PARD3B: variants seen among roughly 807,000 people sequenced by gnomAD.
The protein encoded by PARD3B is par-3 family cell polarity regulator beta.
Under a neutral mutation model 130.2 loss-of-function variants are expected in PARD3B, and 103 were observed. That is an observed-to-expected ratio of 0.79 (90% CI 0.67 to 0.93). The LOEUF is 0.93. PARD3B is among the 40% of genes least tolerant of loss of function. PARD3B has a pLI of 0.00. For missense variants in PARD3B, 1,609 were observed against 1,499.2 expected (o/e 1.07, Z -1.21); for synonymous variants, 583 against 553.2 (o/e 1.05, Z -0.76).
intron 2 of PARD3B, among the ~76,000 whole-genome samples, chr2:204,818,956 G>A (rs1210787349): frequency 6.6e-6 from 1 of 152,156 alleles, no homozygotes; most frequent in Non-Finnish European, 1.5e-5. Flanking sequence ...GCTAGAGTGA[G>A]AAGGTATAGA....
intron 18 of PARD3B, among the ~76,000 whole-genome samples, chr2:205,379,668 T>C (rs2045233508): frequency 1.3e-5 from 2 of 151,926 alleles, no homozygotes; most frequent in South Asian, 4.1e-4. Flanking sequence ...TGTACCATCC[T>C]AGTAATTGGC....
At chr2:205,560,381 C>T (rs1201155229) in intron 22 of PARD3B, among the ~76,000 whole-genome samples, 4 of 151,960 alleles carry the variant, frequency 2.6e-5, no homozygotes, top group South Asian at 2.1e-4. Flanking sequence ...TTCTTTTTTC[C>T]GTTCCCTTGG....
At chr2:204,702,279 T>G (rs2037931544) in intron 2 of PARD3B, among the ~76,000 whole-genome samples, 1 of 152,172 alleles carries the variant, frequency 6.6e-6, no homozygotes, top group Non-Finnish European at 1.5e-5. Flanking sequence ...ATTGCTGGGT[T>G]GAATGTTAGT....
intron 21 of PARD3B, among the ~76,000 whole-genome samples, chr2:205,551,202 T>C (rs1003315034): frequency 9.2e-5 from 14 of 151,888 alleles, no homozygotes; most frequent in African/African-American, 3.1e-4. Context: ...GCATAGTGAT[T>C]TTCCAACAAT....
intron 22 of PARD3B, among the ~76,000 whole-genome samples, chr2:205,609,359 C>T (rs1455495845): frequency 1.3e-5 from 2 of 152,162 alleles, no homozygotes; most frequent in Non-Finnish European, 2.9e-5. Flanking sequence ...CCAGCTCAGC[C>T]ACTAAATAAT....
chr2:205,089,089 C>T (rs1420390183), intron 4 of PARD3B, among the ~76,000 whole-genome samples: 1 of 151,890 alleles, frequency 6.6e-6, no homozygotes, highest in Non-Finnish European at 1.5e-5. Flanking sequence ...GCATGAACCA[C>T]CATGCCCGGC....
chr2:205,507,537 T>G (rs1434004556), intron 21 of PARD3B, among the ~76,000 whole-genome samples: 1 of 151,886 alleles, frequency 6.6e-6, no homozygotes, highest in Non-Finnish European at 1.5e-5. Flanking sequence ...AGACTAAAAC[T>G]AGGCCACAAG....
rs1342927190 is a variant in PARD3B, at chr2:204,967,624, T to C, written c.394+2301T>C. Among the ~76,000 whole-genome samples, 1 of 152,312 alleles carries C rather than the reference T, an allele frequency of 6.6e-6. No individual in the cohort carries two copies. The highest frequency in any genetic ancestry group is 1.9e-4 in the East Asian group (1 of 5,186). ...ATCATCCCTTACCCACTTTCATGGT[T>C]CTAGCAGTTTGAGTACTTTGCATTT... On this transcript the variant is annotated intron_variant, in intron 3 of 22. Transcript: ENST00000406610. This position sits in a 1 kb window ranked among gnomAD's most constrained non-coding sequence, Gnocchi z 4.4.
chr2:204,636,449 G>C (rs1252448219), intron 1 of PARD3B, among the ~76,000 whole-genome samples: 2 of 113,542 alleles, frequency 1.8e-5, no homozygotes, highest in South Asian at 3.4e-4. Flanking sequence ...TTAGAGGTCA[G>C]GTGAGTGTGT....
chr2:205,379,504 C>T (rs1001483506), intron 18 of PARD3B, among the ~76,000 whole-genome samples: 7 of 151,878 alleles, frequency 4.6e-5, no homozygotes, highest in African/African-American at 1.7e-4. Context: ...CAAACATAGA[C>T]TCTGATTTTG....
chr2:205,072,075 T>A (rs928091484), intron 4 of PARD3B, among the ~76,000 whole-genome samples: 1 of 152,158 alleles, frequency 6.6e-6, no homozygotes, highest in Non-Finnish European at 1.5e-5. Context: ...ACATCACACT[T>A]TTAATTCATC....
chr2:204,962,935 C>G lies in PARD3B; in HGVS notation c.223-2217C>G, dbSNP rs984708470. ...GAGATTTGGGGAGCATCAGGTCTTA[C>G]TATTATCATCTTCAAGAAAAGTTAC... On this transcript the variant is annotated intron_variant, in intron 2 of 22. Transcript: ENST00000406610. Among the ~76,000 whole-genome samples the G allele has an allele frequency of 7.9e-5, 12 of 152,096 alleles. No homozygotes were observed. In the East Asian group the frequency reaches 2.3e-3, roughly 29 times the overall value.
rs1353223315 is a variant in PARD3B, at chr2:205,263,992, G to A, written c.2185+18170G>A. Among the ~76,000 whole-genome samples the A allele has an allele frequency of 1.3e-5, 2 of 151,128 alleles. No homozygotes were observed. The highest frequency in any genetic ancestry group is 4.9e-5 in the African/African-American group (2 of 41,132). On this transcript the variant is annotated intron_variant, in intron 16 of 22. Coordinates refer to ENST00000406610, the MANE Select transcript of PARD3B (RefSeq NM_001302769.2). This position sits in a 1 kb window ranked among gnomAD's most constrained non-coding sequence, Gnocchi z 4.0. ...ACAAATGATAAATGTATTATAAAAT[G>A]TGGCAGAGACAGGTGGATAGGACTT...
intron 1 of PARD3B, among the ~76,000 whole-genome samples, chr2:204,632,728 A>G (rs910301455): frequency 1.3e-5 from 2 of 152,184 alleles, no homozygotes; most frequent in African/African-American, 2.4e-5. Flanking sequence ...AGGGTTGCAC[A>G]TTCACTCACT....
At position 205,119,438 on chromosome 2, in the gene PARD3B, A is replaced by G. The variant is rs560888906; in HGVS notation, c.806+392A>G. Among the ~76,000 whole-genome samples the G allele has an allele frequency of 1.1e-4, 17 of 152,186 alleles. No homozygotes were observed. In the South Asian group the frequency reaches 3.5e-3, roughly 32 times the overall value. On this transcript the variant is annotated intron_variant, in intron 7 of 22. Coordinates refer to ENST00000406610, the MANE Select transcript of PARD3B (RefSeq NM_001302769.2). ...TCTTCCTTAAACTAAAAAATCTGTGAGAGATGTCTGAGGACTCACCGAATC... is the reference window on the plus strand; with the variant it reads ...TCTTCCTTAAACTAAAAAATCTGTGGGAGATGTCTGAGGACTCACCGAATC...
At chr2:205,270,473 A>G (rs545198010) in intron 16 of PARD3B, among the ~76,000 whole-genome samples, 7 of 152,184 alleles carry the variant, frequency 4.6e-5, no homozygotes, top group Admixed American at 2.6e-4. Flanking sequence ...AGGCTGAGGC[A>G]GGAATATCGC....
chr2:204,566,693 A>G (rs1214256559), intron 1 of PARD3B, among the ~76,000 whole-genome samples: 6 of 152,204 alleles, frequency 3.9e-5, no homozygotes, highest in Non-Finnish European at 1.5e-5. Flanking sequence ...AAGACAAGGT[A>G]AAGACAACTT....
intron 16 of PARD3B, among the ~76,000 whole-genome samples, chr2:205,252,844 C>A (rs1409007613): frequency 7.3e-6 from 1 of 137,438 alleles, no homozygotes; most frequent in Non-Finnish European, 1.6e-5. Context: ...AGGGACCCCC[C>A]CCCCCCACCA....
In PARD3B at chr2:205,183,730, TTGTGTGTG is replaced by T. The variant is rs71410805; in HGVS notation, c.1925-1997_1925-1990del. 0.016 allele frequency among the ~76,000 whole-genome samples: 2,153 copies of T among 138,224 alleles called. 48 individuals carry two copies. The highest frequency in any genetic ancestry group is 0.048 in the African/African-American group (1,801 of 37,150). The allele number at this position is 138,224 out of a possible 152,430, so 90.7% of individuals were successfully genotyped here. A position where few individuals can be genotyped will look rare whatever the true frequency, so the allele number is the denominator to read the frequency against. On this transcript the variant is annotated intron_variant, in intron 13 of 22. Transcript: ENST00000406610. The surrounding 1 kb of genome is among the most constrained non-coding windows in gnomAD (Gnocchi z 5.2). ...GGTTCTGCAGAGAAACAGAACCAAG[TTGTGTGTG>T]TGTGTGTGTGTGTGTGTGTGTGTGT...
Sources: allele counts gnomAD v4.1 joint callset (sites outside exome capture counted in the v4.1 genomes callset), GRCh38; gene constraint gnomAD v4.1.1; non-coding constraint Gnocchi (gnomAD v3.1); transcripts MANE v1.5; gene names NCBI Gene and HGNC (gene_info 2026-07-23, HGNC 2026-07-21).